LRCH1: variants seen among roughly 807,000 people sequenced by gnomAD.
LRCH1 encodes leucine rich repeats and calponin homology domain containing 1.
Under a neutral mutation model 94.9 loss-of-function variants are expected in LRCH1, and 23 were observed. The ratio of observed to expected loss-of-function variants is 0.24; its 90% CI spans 0.17 to 0.34. The LOEUF is 0.34. LRCH1 is among the 10% of genes least tolerant of loss of function. LRCH1 has a pLI of 1.00. For synonymous variants in LRCH1, 364 were observed against 354.9 expected, an observed-to-expected ratio of 1.03 and a Z score of -0.29; for missense variants, 790 against 945.9, an observed-to-expected ratio of 0.84 and a Z score of 2.16.
chr13:46,635,248 G>A (rs7319542), intron 1 of LRCH1, among the ~76,000 whole-genome samples: 6,556 of 152,254 alleles, frequency 0.043, 411 homozygotes, highest in African/African-American at 0.14. Context: ...TCTGTTCACT[G>A]CTTCATACTT....
At position 46,596,889 on chromosome 13, in the gene LRCH1, G is replaced by T. The variant is rs573082470; in HGVS notation, c.307+43186G>T. 3.9e-5 allele frequency among the ~76,000 whole-genome samples: 6 copies of T among 152,326 alleles called. No individual in the cohort carries two copies. The South Asian group carries it at 1.2e-3, about 32-fold the overall frequency. ...CACCACCCCAGGAAGATAGTAACTA[G>T]TGCTCTATGTATGTAGCTCAGAGCC... On this transcript the variant is annotated intron_variant, in intron 1 of 19. Coordinates refer to ENST00000389797, the MANE Select transcript of LRCH1 (RefSeq NM_001164211.2).
intron 1 of LRCH1, among the ~76,000 whole-genome samples, chr13:46,639,401 C>G (rs956591239): frequency 2.6e-5 from 4 of 152,288 alleles, no homozygotes; most frequent in African/African-American, 9.6e-5. Context: ...TGTCAGATCC[C>G]TTAATTAGTA....
intron 1 of LRCH1, among the ~76,000 whole-genome samples, chr13:46,569,763 T>C (rs890535949): frequency 8.5e-5 from 13 of 152,180 alleles, no homozygotes; most frequent in African/African-American, 2.7e-4. Context: ...TGTTCCCATA[T>C]GTTCCAGGTT....
At chr13:46,677,392 C>T (rs1172499406) in intron 3 of LRCH1, among the ~76,000 whole-genome samples, 1 of 151,972 alleles carries the variant, frequency 6.6e-6, no homozygotes, top group African/African-American at 2.4e-5. Context: ...ATCGCGCCAT[C>T]GCACTCCAAT....
rs780405592 is a variant in LRCH1, at chr13:46,623,080, G to A, written c.308-27121G>A. 4.6e-5 allele frequency among the ~76,000 whole-genome samples: 7 copies of A among 152,258 alleles called. No homozygotes were observed. In the East Asian group the frequency reaches 5.8e-4, roughly 13 times the overall value. On this transcript the variant is annotated intron_variant, in intron 1 of 19. Coordinates refer to ENST00000389797, the MANE Select transcript of LRCH1 (RefSeq NM_001164211.2). ...AAAGATGCCAGTCTGTCATTTGCATGCACTGTAATTGGGCAAGTGGTTTCA... is the reference window on the plus strand; with the variant it reads ...AAAGATGCCAGTCTGTCATTTGCATACACTGTAATTGGGCAAGTGGTTTCA...
At chr13:46,703,772 T>A (rs186167905) in intron 11 of LRCH1, among the ~76,000 whole-genome samples, 1 of 152,234 alleles carries the variant, frequency 6.6e-6, no homozygotes, top group Non-Finnish European at 1.5e-5. Flanking sequence ...TTTTAAAGTA[T>A]GTAAAAACGC....
At chr13:46,568,623 A>G (rs755561821) in intron 1 of LRCH1, among the ~76,000 whole-genome samples, 11 of 152,232 alleles carry the variant, frequency 7.2e-5, no homozygotes, top group Non-Finnish European at 1.6e-4. Context: ...AAATTACAAA[A>G]TATTGCATAC....
In LRCH1 at chr13:46,672,007, CAT is replaced by C. The variant is rs1399467800; in HGVS notation, c.579+2852_579+2853del. ...ATCGGTTTGGGTAAATGTATAATGA[CAT>C]GTGTCTCTTTCACTACCCTACAAAT... On this transcript the variant is annotated intron_variant, in intron 3 of 19. Transcript: ENST00000389797. Among the ~76,000 whole-genome samples the C allele has an allele frequency of 5.3e-5, 8 of 152,332 alleles. No individual in the cohort carries two copies. In the East Asian group the frequency reaches 5.8e-4, roughly 11 times the overall value.
chr13:46,575,595 G>T (rs2050296278), intron 1 of LRCH1, among the ~76,000 whole-genome samples: 1 of 151,116 alleles, frequency 6.6e-6, no homozygotes, highest in Non-Finnish European at 1.5e-5. Context: ...CTCCAGAAGG[G>T]GTTTTCAAAG....
At chr13:46,684,168 G>A (rs2138146522) in intron 4 of LRCH1, among the ~76,000 whole-genome samples, 1 of 152,118 alleles carries the variant, frequency 6.6e-6, no homozygotes, top group East Asian at 1.9e-4. Flanking sequence ...GCCATTCATT[G>A]CCTCTCTTAG....
chr13:46,566,321 T>C (rs961230665), intron 1 of LRCH1, among the ~76,000 whole-genome samples: 4 of 152,178 alleles, frequency 2.6e-5, no homozygotes, highest in African/African-American at 4.8e-5. Flanking sequence ...ATCTTTTTTT[T>C]CCCTCACTCT....
chr13:46,679,607 G>T (rs1306750848), intron 3 of LRCH1, among the ~76,000 whole-genome samples: 3 of 152,138 alleles, frequency 2.0e-5, no homozygotes, highest in Admixed American at 2.0e-4. Flanking sequence ...TTAAACACTG[G>T]AAGTGTTTTT....
At chr13:46,611,569 A>C (rs889317290) in intron 1 of LRCH1, among the ~76,000 whole-genome samples, 2 of 152,230 alleles carry the variant, frequency 1.3e-5, no homozygotes, top group Non-Finnish European at 2.9e-5. Context: ...AACAACTTGA[A>C]TATGTGAGCT....
At chr13:46,689,014 T>G in intron 6 of LRCH1, 119 bp from the exon 7 acceptor site, 1 of 757,966 alleles carries the variant, frequency 1.3e-6, no homozygotes, top group South Asian at 1.8e-5. Flanking sequence ...TGCCTTATGG[T>G]AATAATAAAA....
intron 1 of LRCH1, among the ~76,000 whole-genome samples, chr13:46,628,945 A>T (rs1001439693): frequency 6.6e-6 from 1 of 152,228 alleles, no homozygotes; most frequent in African/African-American, 2.4e-5. Context: ...GCTGCTAAAC[A>T]TCATGGAATG....
intron 8 of LRCH1, among the ~76,000 whole-genome samples, chr13:46,694,459 A>G (rs752973290): frequency 1.3e-5 from 2 of 152,182 alleles, no homozygotes; most frequent in South Asian, 2.1e-4. Context: ...TTTGCTGTTT[A>G]AGGACAGGAG....
In LRCH1 at chr13:46,553,299, A is replaced by C. The variant is rs955071428; in HGVS notation, c.-98A>C. 9.0e-6 allele frequency: 7 copies of C among 775,396 alleles called. No homozygotes were observed. Among genetic ancestry groups the C allele is most frequent in the Non-Finnish European group, 1.3e-5 (7 of 541,772 alleles). The allele number at this position is 775,396 out of a possible 1,614,324, so 48.0% of individuals were successfully genotyped here. ...TCCTTCCAGCGCCTTTCGGTGGAGC[A>C]CTGCGGCACTCAGCCCGAGCTGCCG... is the stretch of plus-strand genomic sequence containing the variant. On this transcript the variant is annotated 5_prime_UTR_variant, in exon 1 of 20. Coordinates refer to ENST00000389797, the MANE Select transcript of LRCH1 (RefSeq NM_001164211.2).
chr13:46,626,344 G>T (rs898219759), intron 1 of LRCH1, among the ~76,000 whole-genome samples: 2 of 152,092 alleles, frequency 1.3e-5, no homozygotes, highest in Non-Finnish European at 2.9e-5. Flanking sequence ...CATCCAGATG[G>T]CCTGAAGTAA....
chr13:46,557,001 C>CA (rs1257725570), intron 1 of LRCH1, among the ~76,000 whole-genome samples: 3 of 152,132 alleles, frequency 2.0e-5, no homozygotes, highest in Non-Finnish European at 4.4e-5. Flanking sequence ...GGATGAGTTA[C>CA]AGGATAGATG....
Sources: allele counts gnomAD v4.1 joint callset (sites outside exome capture counted in the v4.1 genomes callset), GRCh38; gene constraint gnomAD v4.1.1; transcripts MANE v1.5; gene names NCBI Gene and HGNC (gene_info 2026-07-23, HGNC 2026-07-21).